ULK4: variants seen among roughly 807,000 people sequenced by gnomAD.
The protein encoded by ULK4 is inactive serine/threonine-protein kinase ULK4.
A neutral mutation model predicts 160.6 loss-of-function variants in ULK4; 133 were observed. The observed-to-expected ratio is 0.83, with a 90% CI of 0.72 to 0.96. The LOEUF (loss-of-function observed/expected upper bound fraction) is 0.96, where lower values mean the gene tolerates loss of function less well. ULK4 is among the 40% of genes least tolerant of loss of function. The pLI, the probability that ULK4 is intolerant of heterozygous loss-of-function variation, is 0.00. For synonymous variants in ULK4, 534 were observed against 539.8 expected, an observed-to-expected ratio of 0.99 and a Z score of 0.15; for missense variants, 1,580 against 1,499.5, an observed-to-expected ratio of 1.05 and a Z score of -0.89.
chr3:41,603,359 G>C (rs1459619531), intron 31 of ULK4, among the ~76,000 whole-genome samples: 2 of 151,918 alleles, frequency 1.3e-5, no homozygotes, highest in Non-Finnish European at 2.9e-5. Flanking sequence ...CTGGGAGAGA[G>C]ACAAGACAGG....
chr3:41,352,781 G>T (rs1663927372), intron 35 of ULK4, among the ~76,000 whole-genome samples: 1 of 152,190 alleles, frequency 6.6e-6, no homozygotes, highest in African/African-American at 2.4e-5. Context: ...GCCCAAACAG[G>T]AGAGTGCGTG....
intron 34 of ULK4, among the ~76,000 whole-genome samples, chr3:41,446,329 G>A (rs186813952): frequency 6.6e-6 from 1 of 152,134 alleles, no homozygotes; most frequent in Admixed American, 6.5e-5. Context: ...GATTCCTCAG[G>A]GATCTAGAAC....
chr3:41,923,418 G>C (rs1240719806), intron 5 of ULK4, among the ~76,000 whole-genome samples: 1 of 152,042 alleles, frequency 6.6e-6, no homozygotes, highest in Non-Finnish European at 1.5e-5. Flanking sequence ...AGAATTGCTT[G>C]AACCCGGAGA....
intron 19 of ULK4, among the ~76,000 whole-genome samples, chr3:41,815,103 T>C (rs1237358669): frequency 6.6e-6 from 1 of 152,162 alleles, no homozygotes; most frequent in Non-Finnish European, 1.5e-5. Context: ...GAGACATGGT[T>C]TCACCATTTT....
intron 35 of ULK4, among the ~76,000 whole-genome samples, chr3:41,336,534 T>C (rs1350624874): frequency 1.3e-5 from 2 of 152,234 alleles, no homozygotes; most frequent in African/African-American, 2.4e-5. Context: ...ACATGCCTTA[T>C]GGCGTAAGGC....
chr3:41,646,091 C>G (rs575317783), intron 30 of ULK4, among the ~76,000 whole-genome samples: 1 of 152,168 alleles, frequency 6.6e-6, no homozygotes, highest in East Asian at 1.9e-4. Flanking sequence ...TGTGTCTCTG[C>G]ACATGAGATG....
chr3:41,586,081 C>T (rs2030776200), intron 31 of ULK4, among the ~76,000 whole-genome samples: 1 of 152,132 alleles, frequency 6.6e-6, no homozygotes, highest in Non-Finnish European at 1.5e-5. Flanking sequence ...TTATGGAAAA[C>T]AGTATGGAGG....
At chr3:41,769,811 G>C (rs1215174968) in intron 21 of ULK4, among the ~76,000 whole-genome samples, 1 of 152,142 alleles carries the variant, frequency 6.6e-6, no homozygotes, top group Non-Finnish European at 1.5e-5. Flanking sequence ...ACGAGGTAGA[G>C]AACTTCAAAA....
intron 34 of ULK4, among the ~76,000 whole-genome samples, chr3:41,436,993 C>A (rs553026620): frequency 6.6e-6 from 1 of 152,212 alleles, no homozygotes; most frequent in Non-Finnish European, 1.5e-5. Context: ...AACATACCTA[C>A]ATTCAAGATA....
intron 19 of ULK4, among the ~76,000 whole-genome samples, chr3:41,813,075 T>C (rs1041763974): frequency 1.3e-5 from 2 of 152,172 alleles, no homozygotes; most frequent in Non-Finnish European, 2.9e-5. Context: ...ACATCTGGCA[T>C]ATGCTGTATT....
At chr3:41,379,063 G>A (rs2081586910) in intron 35 of ULK4, among the ~76,000 whole-genome samples, 1 of 152,006 alleles carries the variant, frequency 6.6e-6, no homozygotes, top group Non-Finnish European at 1.5e-5. Flanking sequence ...CGGGAGATGG[G>A]AAGCAAGGGG....
chr3:41,453,700 T>C (rs2125869482), intron 34 of ULK4, among the ~76,000 whole-genome samples: 1 of 152,300 alleles, frequency 6.6e-6, no homozygotes, highest in Non-Finnish European at 1.5e-5. Flanking sequence ...CCCATGCCCA[T>C]GAACTCTGCA....
At chr3:41,662,851 A>G (rs910823676) in intron 30 of ULK4, among the ~76,000 whole-genome samples, 4 of 152,160 alleles carry the variant, frequency 2.6e-5, no homozygotes, top group African/African-American at 7.2e-5. Flanking sequence ...AGTTCTAAAG[A>G]AATTTGGCAT....
At chr3:41,836,317 C>T (rs1474918068) in intron 17 of ULK4, among the ~76,000 whole-genome samples, 2 of 151,984 alleles carry the variant, frequency 1.3e-5, no homozygotes, top group South Asian at 2.1e-4. Context: ...GGATTACAAG[C>T]GCACGCCACC....
chr3:41,876,850 C>T (rs944496042), intron 17 of ULK4, among the ~76,000 whole-genome samples: 2 of 152,080 alleles, frequency 1.3e-5, no homozygotes, highest in Non-Finnish European at 2.9e-5. Context: ...TCCTTTGGCA[C>T]AAAGGGAGAG....
At chr3:41,271,055 C>A (rs1337600289) in intron 35 of ULK4, among the ~76,000 whole-genome samples, 1 of 152,162 alleles carries the variant, frequency 6.6e-6, no homozygotes, top group Non-Finnish European at 1.5e-5. Flanking sequence ...TCTTAATATA[C>A]TAATTTTTAA....
chr3:41,690,871 C>T (rs1290706060), intron 27 of ULK4, among the ~76,000 whole-genome samples: 1 of 151,816 alleles, frequency 6.6e-6, no homozygotes, highest in Non-Finnish European at 1.5e-5. Flanking sequence ...ATAATCCAAG[C>T]TCATAATGTT....
intron 22 of ULK4, among the ~76,000 whole-genome samples, chr3:41,733,280 G>T (rs1324327892): frequency 1.3e-5 from 2 of 152,014 alleles, no homozygotes; most frequent in African/African-American, 4.8e-5. Flanking sequence ...TCTTGGTTTA[G>T]ATAAAATTTG....
Position 41,918,437 on chromosome 3 carries a change from T to C in ULK4, c.727+20A>G, listed in dbSNP as rs1699048987. 2 of 1,526,166 alleles carry C rather than the reference T, an allele frequency of 1.3e-6. No homozygotes were observed. Among genetic ancestry groups the C allele is most frequent in the Admixed American group, 4.0e-5 (2 of 49,388 alleles). 94.5% of individuals were successfully genotyped at this position (1,526,166 alleles called of 1,614,324 possible). ...CAGTGTAAAATGTAAATTAATTCCATTTATCATAAGAAATCTTACCTTTCG... is the reference window on the plus strand; with the variant it reads ...CAGTGTAAAATGTAAATTAATTCCACTTATCATAAGAAATCTTACCTTTCG... On this transcript the variant is annotated intron_variant, in intron 7 of 36. Transcript: ENST00000301831.
Sources: gnomAD v4.1 joint callset for allele counts (sites outside exome capture counted in the v4.1 genomes callset) on GRCh38, gnomAD v4.1.1 for gene constraint, MANE v1.5 for transcripts, NCBI Gene and HGNC (gene_info 2026-07-23, HGNC 2026-07-21) for gene names.